Variants in SLC4A8 observed in about 807,000 individuals in gnomAD.
SLC4A8 encodes electroneutral sodium bicarbonate exchanger 1.
Under a neutral mutation model 125.0 loss-of-function variants are expected in SLC4A8, and 40 were observed. The observed-to-expected ratio is 0.32, with a 90% CI of 0.25 to 0.42. The LOEUF (loss-of-function observed/expected upper bound fraction) is 0.42, where lower values mean the gene tolerates loss of function less well. Ranked by LOEUF, SLC4A8 falls within the 10% of genes least tolerant of loss-of-function variation. The pLI, the probability that SLC4A8 is intolerant of heterozygous loss-of-function variation, is 1.00. For missense variants in SLC4A8, 863 were observed against 1,355.1 expected (o/e 0.64, Z 5.70); for synonymous variants, 456 against 476.0 (o/e 0.96, Z 0.55).
rs1186387994 is a variant in SLC4A8, at chr12:51,400,767, TATATATATATAC to T, written c.-112+9283_-112+9294del. 4.9e-3 allele frequency among the ~76,000 whole-genome samples: 40 copies of T among 8,236 alleles called. 5 individuals carry two copies. The highest frequency in any genetic ancestry group is 0.011 in the Admixed American group (7 of 650). 5.4% of individuals were successfully genotyped at this position (8,236 alleles called of 152,430 possible). On this transcript the variant is annotated intron_variant, in intron 1 of 24. Transcript: ENST00000358657. ...ATATATATATATATATATATATATA[TATATATATATAC>T]ATACATACACACACACACACACATA...
intron 1 of SLC4A8, among the ~76,000 whole-genome samples, chr12:51,400,748 A>G (rs751484403): frequency 0.37 from 1,188 of 3,250 alleles, 217 homozygotes; most frequent in African/African-American, 0.54. Flanking sequence ...ATATATATAT[A>G]TATATATATA....
At chr12:51,459,142 C>T (rs1480587145) in intron 7 of SLC4A8, among the ~76,000 whole-genome samples, 4 of 152,206 alleles carry the variant, frequency 2.6e-5, no homozygotes, top group Non-Finnish European at 5.9e-5. Context: ...GTCTCCCTGC[C>T]TCCAGCCTCT....
chr12:51,424,054 CAAAAA>C (rs1334821004), upstream of SLC4A8, among the ~76,000 whole-genome samples: 4 of 77,444 alleles, frequency 5.2e-5, no homozygotes, highest in African/African-American at 1.9e-4. Flanking sequence ...AAAAAAAAAA[CAAAAA>C]AAACAACAAA....
intron 13 of SLC4A8, among the ~76,000 whole-genome samples, chr12:51,471,042 A>G (rs997494541): frequency 6.6e-6 from 1 of 152,164 alleles, no homozygotes; most frequent in East Asian, 1.9e-4. Flanking sequence ...TACATTAGGT[A>G]GTAATGGCAG....
chr12:51,430,830 C>T (rs954838709), intron 1 of SLC4A8, among the ~76,000 whole-genome samples: 1 of 152,122 alleles, frequency 6.6e-6, no homozygotes, highest in Non-Finnish European at 1.5e-5. Flanking sequence ...TTGGTTGTTT[C>T]CCATAGGTAG....
chr12:51,412,967 T>G (rs1466343180), intron 1 of SLC4A8, among the ~76,000 whole-genome samples: 8 of 128,076 alleles, frequency 6.2e-5, no homozygotes, highest in African/African-American at 1.1e-4. Flanking sequence ...GGTAGTTCTA[T>G]TTTTAGTTTT....
At chr12:51,440,864 C>A in intron 2 of SLC4A8, 75 bp downstream of exon 2, 1 of 1,252,262 alleles carries the variant, frequency 8.0e-7, no homozygotes, top group Non-Finnish European at 1.1e-6. Flanking sequence ...GGCTCTGTGT[C>A]CTAACTCTCT....
intron 1 of SLC4A8, among the ~76,000 whole-genome samples, chr12:51,404,544 C>T (rs1487202603): frequency 6.6e-6 from 1 of 152,086 alleles, no homozygotes; most frequent in Non-Finnish European, 1.5e-5. Context: ...ATGAACTCCT[C>T]CCCCCGTCTT....
chr12:51,512,310 A>G lies in SLC4A8; in HGVS notation c.*4872A>G, dbSNP rs746776687. On this transcript the variant is annotated 3_prime_UTR_variant, in exon 25 of 25. Transcript: ENST00000453097. ...ATAAGTAGGAGGCTTTCCCCAAAGG[A>G]TATGGAGACTGATGTGTGCTCCATA... is the stretch of plus-strand genomic sequence containing the variant. The G allele has an allele frequency of 6.6e-6, 1 of 152,142 alleles. No individual in the cohort carries two copies. The highest frequency in any genetic ancestry group is 1.5e-5 in the Non-Finnish European group (1 of 68,054). The allele number at this position is 152,142 out of a possible 1,614,324, so 9.4% of individuals were successfully genotyped here.
At chr12:51,442,692 A>AT (rs955310388) in intron 2 of SLC4A8, among the ~76,000 whole-genome samples, 24 of 152,320 alleles carry the variant, frequency 1.6e-4, no homozygotes, top group African/African-American at 5.8e-4. Context: ...TTAAAAAAAA[A>AT]GCATTACACG....
At chr12:51,447,231 C>A (rs971362309) in intron 2 of SLC4A8, among the ~76,000 whole-genome samples, 25 of 152,060 alleles carry the variant, frequency 1.6e-4, no homozygotes, top group African/African-American at 6.0e-4. Context: ...TATAGGTGCA[C>A]ACCACCACAC....
chr12:51,471,817 A>G (rs947015406), intron 14 of SLC4A8, among the ~76,000 whole-genome samples: 2 of 152,224 alleles, frequency 1.3e-5, no homozygotes, highest in African/African-American at 4.8e-5. Context: ...TGGGCTGCAA[A>G]TGTAGCAGGG....
At chr12:51,455,903 T>C (rs1209149610) in intron 5 of SLC4A8, among the ~76,000 whole-genome samples, 1 of 152,216 alleles carries the variant, frequency 6.6e-6, no homozygotes, top group Non-Finnish European at 1.5e-5. Flanking sequence ...TGAATGTTCC[T>C]TAAAAGGTTG....
At position 51,432,133 on chromosome 12, in the gene SLC4A8, G is replaced by C. The variant is rs538286798; in HGVS notation, c.48+7098G>C. On this transcript the variant is annotated intron_variant, in intron 1 of 24. Coordinates refer to ENST00000453097, the MANE Select transcript of SLC4A8 (RefSeq NM_001039960.3). ...ATTAGAAACCTTGGAAATGGGCCAGGCGCGGTGGCTCACGCCTGTAATCCC... is the reference window on the plus strand; with the variant it reads ...ATTAGAAACCTTGGAAATGGGCCAGCCGCGGTGGCTCACGCCTGTAATCCC... Among the ~76,000 whole-genome samples the C allele has an allele frequency of 1.1e-4, 17 of 152,294 alleles. No homozygotes were observed. The South Asian group carries it at 3.5e-3, about 32-fold the overall frequency.
At chr12:51,463,575 G>T (rs763959421) in intron 10 of SLC4A8, 39 bp from the exon 11 acceptor site, 7 of 1,477,690 alleles carry the variant, frequency 4.7e-6, no homozygotes, top group Middle Eastern at 3.4e-4. Context: ...CGAAAAGATA[G>T]ATGTTACCTT....
At chr12:51,462,012 C>G in intron 9 of SLC4A8, 1 of 229,094 alleles carries the variant, frequency 4.4e-6, no homozygotes, top group Non-Finnish European at 8.5e-6. Flanking sequence ...TTTCATATAT[C>G]TTGCCTTTCC....
intron 5 of SLC4A8, among the ~76,000 whole-genome samples, chr12:51,454,220 C>G (rs537764846): frequency 2.6e-5 from 4 of 152,280 alleles, no homozygotes; most frequent in South Asian, 4.1e-4. Context: ...TCACTTGAGC[C>G]TGGCAGGTCA....
chr12:51,447,819 C>A (rs1014826547), intron 2 of SLC4A8, among the ~76,000 whole-genome samples: 4 of 151,194 alleles, frequency 2.6e-5, no homozygotes, highest in African/African-American at 4.9e-5. Context: ...CAGGTTCATG[C>A]CATTCTCCTG....
At chr12:51,477,865 A>T (rs1035242204) in intron 16 of SLC4A8, among the ~76,000 whole-genome samples, 1 of 152,186 alleles carries the variant, frequency 6.6e-6, no homozygotes, top group Non-Finnish European at 1.5e-5. Flanking sequence ...ATGGTGGCTT[A>T]CATCTGTAAT....
Sources: gnomAD v4.1 joint callset for allele counts (sites outside exome capture counted in the v4.1 genomes callset) on GRCh38, gnomAD v4.1.1 for gene constraint, MANE v1.5 for transcripts, NCBI Gene and HGNC (gene_info 2026-07-23, HGNC 2026-07-21) for gene names.